Variants in TMEM181 observed in about 807,000 individuals in gnomAD.
TMEM181 encodes G protein-coupled receptor 178.
A neutral mutation model predicts 71.9 loss-of-function variants in TMEM181; 39 were observed. The ratio of observed to expected loss-of-function variants is 0.54; its 90% CI spans 0.42 to 0.71. The LOEUF (loss-of-function observed/expected upper bound fraction) is 0.71. Among genes scored for constraint, TMEM181 ranks in the 30% least tolerant of loss-of-function variants. The probability of loss-of-function intolerance (pLI) is 0.00; values close to 1 mark genes in which losing one functional copy is unlikely to be tolerated. For synonymous variants in TMEM181, 245 were observed against 228.8 expected, an observed-to-expected ratio of 1.07 and a Z score of -0.64; for missense variants, 595 against 583.0, an observed-to-expected ratio of 1.02 and a Z score of -0.21.
At chr6:158,621,854 T>C (rs1460299059) in intron 10 of TMEM181, among the ~76,000 whole-genome samples, 1 of 152,218 alleles carries the variant, frequency 6.6e-6, no homozygotes, top group African/African-American at 2.4e-5. Flanking sequence ...CTTTGATTAC[T>C]TTGCAATACA....
At chr6:158,626,708 T>G in intron 13 of TMEM181, 1 of 457,266 alleles carries the variant, frequency 2.2e-6, no homozygotes, top group Non-Finnish European at 4.4e-6. Flanking sequence ...CAGTGCTAGG[T>G]GTGCACGTTG....
chr6:158,585,325 T>G lies in TMEM181; in HGVS notation c.281T>G (p.Phe94Cys). Residue 94 changes from phenylalanine (F) to cysteine (C), a missense_variant, in exon 5 of 17, where the codon TTT becomes TGT. By Grantham distance (205) the Phe-to-Cys change is radical. Transcript: ENST00000684151. Reference sequence around the variant, plus strand: ...GTAGAAACTTCTATTAAGACAAGCTTTCCCATGACTGTTAAAGTCGATGGT... The same window carrying G: ...GTAGAAACTTCTATTAAGACAAGCTGTCCCATGACTGTTAAAGTCGATGGT... Reference protein sequence around the residue: ...QSKETSIKTSFPMTVKVDGVA... With the variant: ...QSKETSIKTSCPMTVKVDGVA... 6.2e-7 allele frequency: 1 copy of G among 1,605,502 alleles called. No individual in the cohort carries two copies. The highest frequency in any genetic ancestry group is 8.5e-7 in the Non-Finnish European group (1 of 1,177,550).
At chr6:158,560,952 AAAG>A (rs1200953772) in intron 1 of TMEM181, among the ~76,000 whole-genome samples, 2 of 152,066 alleles carry the variant, frequency 1.3e-5, no homozygotes, top group South Asian at 2.1e-4. Context: ...CGCATCTGGA[AAAG>A]AAGGAGACGG....
chr6:158,624,829 A>G (rs1786178274), intron 11 of TMEM181, among the ~76,000 whole-genome samples: 1 of 152,164 alleles, frequency 6.6e-6, no homozygotes, highest in African/African-American at 2.4e-5. Context: ...CTGAGCACCC[A>G]CTGTGCCTGG....
intron 2 of TMEM181, 97 bp downstream of exon 2, chr6:158,573,620 C>G: frequency 9.9e-7 from 1 of 1,011,992 alleles, no homozygotes; most frequent in Non-Finnish European, 1.5e-6. Flanking sequence ...TCTTCCACTG[C>G]TAAGGGCCCC....
intron 5 of TMEM181, among the ~76,000 whole-genome samples, chr6:158,588,439 TTTTGTTTGTTTTTG>T (rs1418097274): frequency 2.0e-5 from 3 of 150,408 alleles, no homozygotes; most frequent in South Asian, 4.1e-4. Context: ...CCTCTTGTCT[TTTTGTTTGTTTTTG>T]TTTGTTTGTT....
chr6:158,583,238 A>T (rs1783577873), intron 3 of TMEM181, among the ~76,000 whole-genome samples: 1 of 152,186 alleles, frequency 6.6e-6, no homozygotes, highest in Non-Finnish European at 1.5e-5. Context: ...CGTCTCAAAA[A>T]ATAATAATTC....
intron 10 of TMEM181, among the ~76,000 whole-genome samples, chr6:158,612,141 G>C (rs1785366857): frequency 6.6e-6 from 1 of 152,160 alleles, no homozygotes; most frequent in East Asian, 1.9e-4. Context: ...AAGAGACTTG[G>C]GTGCCCAGCT....
chr6:158,552,371 G>GAATGT (rs1781747035), intron 1 of TMEM181, among the ~76,000 whole-genome samples: 1 of 152,214 alleles, frequency 6.6e-6, no homozygotes, highest in African/African-American at 2.4e-5. Context: ...GAAGCAGGAA[G>GAATGT]AATGTGTTCA....
chr6:158,590,709 A>G (rs1232947198), intron 6 of TMEM181, among the ~76,000 whole-genome samples: 1 of 152,100 alleles, frequency 6.6e-6, no homozygotes, highest in Non-Finnish European at 1.5e-5. Context: ...TGATCCGCCC[A>G]CCTTGGCCTC....
Position 158,607,225 on chromosome 6 carries a change from G to C in TMEM181, c.574-19G>C, listed in dbSNP as rs781382621. 4.4e-6 allele frequency: 7 copies of C among 1,608,854 alleles called. No homozygotes were observed. The Admixed American group carries it at 1.2e-4, about 27-fold the overall frequency. On this transcript the variant is annotated intron_variant, in intron 7 of 16. Coordinates refer to ENST00000684151, the MANE Select transcript of TMEM181 (RefSeq NM_001376852.1). ...GGTGTGAGCAAAGGCAGTAACTGGAGGCCTGATTTGGTTTGCAGTGCCTGT... is the reference window on the plus strand; with the variant it reads ...GGTGTGAGCAAAGGCAGTAACTGGACGCCTGATTTGGTTTGCAGTGCCTGT...
chr6:158,596,733 C>T (rs189209863), intron 6 of TMEM181, among the ~76,000 whole-genome samples: 67 of 152,106 alleles, frequency 4.4e-4, no homozygotes, highest in Admixed American at 9.8e-4. Context: ...AGAATCATGG[C>T]GAGAGGCGAA....
chr6:158,579,800 T>C (rs1262940883), intron 2 of TMEM181, among the ~76,000 whole-genome samples: 1 of 152,138 alleles, frequency 6.6e-6, no homozygotes, highest in African/African-American at 2.4e-5. Flanking sequence ...GACATTATAC[T>C]AAGTAAAATA....
rs774286850 is a variant in TMEM181, at chr6:158,631,369, G to A, written c.1329G>A (p.Ser443=). The change falls in exon 16 of 17, where the codon TCG becomes TCA. Residue 443 remains serine, a synonymous_variant. Coordinates refer to ENST00000684151, the MANE Select transcript of TMEM181 (RefSeq NM_001376852.1). The part of the protein sequence containing the change: ...DNPAFSMLND[S]DDDVIYGSDY... ...CTGCCTTCTCCATGCTGAATGACTC[G>A]GATGATGATGTGATTTATGGGTAAG... is the stretch of plus-strand genomic sequence containing the variant. The A allele has an allele frequency of 7.4e-6, 12 of 1,614,210 alleles. No homozygotes were observed. The highest frequency in any genetic ancestry group is 1.7e-5 in the Admixed American group (1 of 60,030).
chr6:158,629,680 C>G (rs1404011032), intron 14 of TMEM181, 50 bp from the exon 15 acceptor site: 1 of 1,453,840 alleles, frequency 6.9e-7, no homozygotes. Context: ...GTAGGCAGAG[C>G]CTCTGACTGA....
chr6:158,592,400 T>G (rs989020147), intron 6 of TMEM181, among the ~76,000 whole-genome samples: 4 of 152,156 alleles, frequency 2.6e-5, no homozygotes, highest in African/African-American at 9.7e-5. Context: ...ATCCCAGCAC[T>G]TTGGAAAGTG....
chr6:158,548,313 A>T (rs1781604013), intron 1 of TMEM181, among the ~76,000 whole-genome samples: 1 of 152,152 alleles, frequency 6.6e-6, no homozygotes, highest in Admixed American at 6.5e-5. Flanking sequence ...AGTAAAATTG[A>T]CATGGAAACT....
chr6:158,536,722 G>C (rs768690508), exon 1 of TMEM181: 21 of 1,562,992 alleles, frequency 1.3e-5, no homozygotes, highest in East Asian at 2.4e-5. Flanking sequence ...CGGGACCCGG[G>C]AGGCTGCGCG....
intron 2 of TMEM181, among the ~76,000 whole-genome samples, chr6:158,580,372 T>C (rs1582978711): frequency 1.3e-5 from 2 of 151,910 alleles, no homozygotes; most frequent in East Asian, 3.9e-4. Flanking sequence ...GGAAAAAAAA[T>C]GGTTAAGATG....
Sources: allele counts gnomAD v4.1 joint callset (sites outside exome capture counted in the v4.1 genomes callset), GRCh38; gene constraint gnomAD v4.1.1; transcripts MANE v1.5; gene names NCBI Gene and HGNC (gene_info 2026-07-23, HGNC 2026-07-21).